The following PPP1R3A variants were observed in gnomAD, a reference collection of about 807,000 sequenced individuals.
PPP1R3A encodes RG1.
PPP1R3A carries 29 observed loss-of-function variants against 41.7 expected under a neutral mutation model. The ratio of observed to expected loss-of-function variants is 0.70; its 90% CI spans 0.52 to 0.95. PPP1R3A has a LOEUF of 0.95. Ranked by LOEUF, PPP1R3A falls within the 40% of genes least tolerant of loss-of-function variation. The pLI is 0.00. For missense variants in PPP1R3A, 1,352 were observed against 1,292.4 expected, an observed-to-expected ratio of 1.05 and a Z score of -0.71; for synonymous variants, 485 against 453.4, an observed-to-expected ratio of 1.07 and a Z score of -0.89.
chr7:113,883,442 A>T (rs188697235), intron 1 of PPP1R3A, among the ~76,000 whole-genome samples: 3 of 152,178 alleles, frequency 2.0e-5, no homozygotes, highest in African/African-American at 7.2e-5. Flanking sequence ...ATGCAAGAAG[A>T]TAATTCAGTT....
At chr7:113,887,750 G>A (rs902747335) in intron 1 of PPP1R3A, among the ~76,000 whole-genome samples, 1 of 152,126 alleles carries the variant, frequency 6.6e-6, no homozygotes, top group African/African-American at 2.4e-5. Context: ...GCACAAAATG[G>A]CCAGGTGTGG....
chr7:113,882,343 T>C lies in PPP1R3A; in HGVS notation c.783-23A>G, dbSNP rs752626227. 6 of 1,367,416 alleles carry C rather than the reference T, an allele frequency of 4.4e-6. No individual in the cohort carries two copies. The South Asian group carries it at 4.7e-5, about 11-fold the overall frequency. The allele number at this position is 1,367,416 out of a possible 1,614,324, so 84.7% of individuals were successfully genotyped here. On this transcript the variant is annotated intron_variant, in intron 1 of 3. Coordinates refer to ENST00000284601, the MANE Select transcript of PPP1R3A (RefSeq NM_002711.4). ...TTACTGTTAAATTTAAAAGAAAATGTTATATGTTTTTCTGGGACTGCATCT... is the reference window on the plus strand; with the variant it reads ...TTACTGTTAAATTTAAAAGAAAATGCTATATGTTTTTCTGGGACTGCATCT...
At chr7:113,881,575 C>T (rs1304626946) in intron 3 of PPP1R3A, among the ~76,000 whole-genome samples, 1 of 151,964 alleles carries the variant, frequency 6.6e-6, no homozygotes, top group African/African-American at 2.4e-5. Flanking sequence ...TAATACTCTA[C>T]AATGATATAG....
intron 1 of PPP1R3A, among the ~76,000 whole-genome samples, chr7:113,917,925 T>A (rs1341901398): frequency 1.3e-5 from 2 of 152,090 alleles, no homozygotes; most frequent in Non-Finnish European, 2.9e-5. Context: ...TAATCTAGAT[T>A]TCATGGTTTG....
intron 3 of PPP1R3A, among the ~76,000 whole-genome samples, chr7:113,881,162 G>A (rs1372799639): frequency 6.6e-6 from 1 of 152,034 alleles, no homozygotes; most frequent in East Asian, 1.9e-4. Flanking sequence ...TAAAGTTGGA[G>A]CAAAGTAAAT....
At position 113,882,050 on chromosome 7, in the gene PPP1R3A, A is replaced by G; in HGVS notation, c.955T>C (p.Leu319=). The G allele has an allele frequency of 3.7e-6, 6 of 1,612,442 alleles. No individual in the cohort carries two copies. Among genetic ancestry groups the G allele is most frequent in the Non-Finnish European group, 5.1e-6 (6 of 1,178,924 alleles). The change falls in exon 3 of 4, where the codon TTA becomes CTA. Residue 319 remains leucine (L), a synonymous_variant. Coordinates refer to ENST00000284601, the MANE Select transcript of PPP1R3A (RefSeq NM_002711.4). ...REHDEHNEKE[L]ELMINQHLIR... The stretch of plus-strand genomic sequence containing the variant: ...ACCAGAACACTTACCATCAACTCTA[A>G]TTCTTTTTCATTATGTTCATCATGT...
At chr7:113,907,567 T>TG (rs1037104674) in intron 1 of PPP1R3A, among the ~76,000 whole-genome samples, 3 of 151,762 alleles carry the variant, frequency 2.0e-5, no homozygotes, top group African/African-American at 7.2e-5. Context: ...GCCTATATTA[T>TG]GGCCAGCAAG....
At chr7:113,898,202 C>T (rs1797006603) in intron 1 of PPP1R3A, among the ~76,000 whole-genome samples, 1 of 151,802 alleles carries the variant, frequency 6.6e-6, no homozygotes, top group African/African-American at 2.4e-5. Flanking sequence ...CAAATTCTGC[C>T]TTCATAAAGT....
chr7:113,900,614 T>C (rs1392394050), intron 1 of PPP1R3A, among the ~76,000 whole-genome samples: 1 of 149,080 alleles, frequency 6.7e-6, no homozygotes, highest in Non-Finnish European at 1.5e-5. Context: ...ATATATAGTA[T>C]GTATATATTA....
Position 113,879,950 on chromosome 7 carries a change from T to C in PPP1R3A, c.1142A>G (p.Glu381Gly). ...QRSLSPSSSAESSVKGDFYCN... is the reference protein window; with the variant it reads ...QRSLSPSSSAGSSVKGDFYCN... ...GTAAAAATCTCCCTTTACGGAGCTTTCTGCTGATGAACTTGGAGACAGAGA... is the reference window on the plus strand; with the variant it reads ...GTAAAAATCTCCCTTTACGGAGCTTCCTGCTGATGAACTTGGAGACAGAGA... The change falls in exon 4 of 4, where the codon GAA becomes GGA. Residue 381 changes from glutamate (E) to glycine (G), a missense_variant. By Grantham distance (98) the Glu-to-Gly change is moderately conservative. Transcript: ENST00000284601. The C allele has an allele frequency of 6.2e-7, 1 of 1,613,612 alleles. No homozygotes were observed. Among genetic ancestry groups the C allele is most frequent in the Non-Finnish European group, 8.5e-7 (1 of 1,179,688 alleles).
At chr7:113,905,036 A>T (rs539691295) in intron 1 of PPP1R3A, among the ~76,000 whole-genome samples, 1 of 151,790 alleles carries the variant, frequency 6.6e-6, no homozygotes, top group East Asian at 2.0e-4. Flanking sequence ...ACACATTTTT[A>T]CTTTGGGTGG....
chr7:113,917,581 G>A (rs1337664232), intron 1 of PPP1R3A, among the ~76,000 whole-genome samples: 1 of 151,932 alleles, frequency 6.6e-6, no homozygotes, highest in Non-Finnish European at 1.5e-5. Context: ...ACTAATTTGT[G>A]TTCCATAATG....
chr7:113,910,176 A>T (rs1452483378), intron 1 of PPP1R3A, among the ~76,000 whole-genome samples: 10 of 152,022 alleles, frequency 6.6e-5, no homozygotes, highest in Admixed American at 6.6e-4. Context: ...AATTATCTCC[A>T]CCTGGCCCCA....
At chr7:113,881,199 G>A (rs559455706) in intron 3 of PPP1R3A, among the ~76,000 whole-genome samples, 1 of 152,128 alleles carries the variant, frequency 6.6e-6, no homozygotes, top group Admixed American at 6.6e-5. Context: ...GCAGCTCCGC[G>A]ATCACTATAG....
chr7:113,882,994 A>C (rs145851327), intron 1 of PPP1R3A, among the ~76,000 whole-genome samples: 1 of 152,166 alleles, frequency 6.6e-6, no homozygotes, highest in East Asian at 1.9e-4. Flanking sequence ...TCCTTCTTTA[A>C]AATGATTTGG....
intron 1 of PPP1R3A, among the ~76,000 whole-genome samples, chr7:113,916,109 C>A (rs973029112): frequency 6.6e-6 from 1 of 152,030 alleles, no homozygotes; most frequent in African/African-American, 2.4e-5. Context: ...AAAATGCCTC[C>A]TCCAGAGGCA....
Position 113,909,347 on chromosome 7 carries a change from C to G in PPP1R3A, c.782+8868G>C, listed in dbSNP as rs148615251. Among the ~76,000 whole-genome samples the G allele has an allele frequency of 4.6e-5, 7 of 151,992 alleles. No homozygotes were observed. The East Asian group carries it at 1.4e-3, about 30-fold the overall frequency. On this transcript the variant is annotated intron_variant, in intron 1 of 3. Coordinates refer to ENST00000284601, the MANE Select transcript of PPP1R3A (RefSeq NM_002711.4). Reference sequence around the variant, plus strand: ...AGGTAAGATAGAAGAATAAATGAAGCGATCTTCTGAAGTACTTTTAACTTT... The same window carrying G: ...AGGTAAGATAGAAGAATAAATGAAGGGATCTTCTGAAGTACTTTTAACTTT...
At chr7:113,885,388 T>C (rs1039191586) in intron 1 of PPP1R3A, among the ~76,000 whole-genome samples, 1 of 152,020 alleles carries the variant, frequency 6.6e-6, no homozygotes, top group Non-Finnish European at 1.5e-5. Context: ...AATAAATAGG[T>C]AAAAACACTT....
chr7:113,879,134 T>G lies in PPP1R3A; in HGVS notation c.1958A>C (p.Lys653Thr). ...ACTTTCCAGAACATTCCAACTTTGT[T>G]TATGCTGTGGGCTATTATCCTGATC... ...SEDQDNSPQH[K>T]QSWNVLESQG... Residue 653 changes from lysine to threonine, a missense_variant, in exon 4 of 4, where the codon AAA becomes ACA. Coordinates refer to ENST00000284601, the MANE Select transcript of PPP1R3A (RefSeq NM_002711.4). The G allele has an allele frequency of 6.2e-7, 1 of 1,613,824 alleles. No individual in the cohort carries two copies. Among genetic ancestry groups the G allele is most frequent in the African/African-American group, 1.3e-5 (1 of 75,022 alleles).
Sources: gnomAD v4.1 joint callset for allele counts (sites outside exome capture counted in the v4.1 genomes callset) on GRCh38, gnomAD v4.1.1 for gene constraint, MANE v1.5 for transcripts, NCBI Gene and HGNC (gene_info 2026-07-23, HGNC 2026-07-21) for gene names.